Variants in RFX7 observed in about 807,000 individuals in gnomAD.
RFX7 encodes the protein regulatory factor X7.
Under a neutral mutation model 111.8 loss-of-function variants are expected in RFX7, and 26 were observed. The observed-to-expected ratio is 0.23, with a 90% CI of 0.17 to 0.32. The LOEUF (loss-of-function observed/expected upper bound fraction) is 0.32, where lower values mean the gene tolerates loss of function less well. Ranked by LOEUF, RFX7 falls within the 10% of genes least tolerant of loss-of-function variation. The pLI is 1.00. For synonymous variants in RFX7, 624 were observed against 624.4 expected, an observed-to-expected ratio of 1.00 and a Z score of 0.01; for missense variants, 1,573 against 1,772.9, an observed-to-expected ratio of 0.89 and a Z score of 2.02.
chr15:56,117,453 T>C (rs2042023011), intron 5 of RFX7, among the ~76,000 whole-genome samples: 1 of 152,136 alleles, frequency 6.6e-6, no homozygotes, highest in South Asian at 2.1e-4. Flanking sequence ...ATCAGGGTAA[T>C]TAGCATATCT....
chr15:56,130,444 T>C (rs1158273307), intron 5 of RFX7, among the ~76,000 whole-genome samples: 1 of 152,056 alleles, frequency 6.6e-6, no homozygotes, highest in African/African-American at 2.4e-5. Flanking sequence ...AACAAACTTC[T>C]AATTTAGGTC....
intron 3 of RFX7, among the ~76,000 whole-genome samples, chr15:56,155,381 T>A (rs1264532825): frequency 6.6e-6 from 1 of 152,120 alleles, no homozygotes; most frequent in Non-Finnish European, 1.5e-5. Context: ...CTATCAATGA[T>A]AGACTGGATT....
At chr15:56,102,041 A>ATTTTTT in intron 7 of RFX7, 128 bp downstream of exon 7, 1 of 645,972 alleles carries the variant, frequency 1.5e-6, no homozygotes. Flanking sequence ...CCACTGTGTG[A>ATTTTTT]TTTTTTTTTT....
At chr15:56,151,891 A>C (rs1379131431) in intron 3 of RFX7, among the ~76,000 whole-genome samples, 2 of 152,246 alleles carry the variant, frequency 1.3e-5, no homozygotes, top group East Asian at 3.8e-4. Context: ...AAAGCAAAAA[A>C]AAGTAGGGGT....
chr15:56,236,043 T>G (rs754560580), intron 2 of RFX7, among the ~76,000 whole-genome samples: 1 of 152,100 alleles, frequency 6.6e-6, no homozygotes, highest in Non-Finnish European at 1.5e-5. Flanking sequence ...TATCAGAATT[T>G]TTCAGTTTGT....
rs1402156053 is a variant in RFX7, at chr15:56,096,844, TA to T, written c.1108-225del. On this transcript the variant is annotated intron_variant, in intron 9 of 9. Coordinates refer to ENST00000559447, the MANE Select transcript of RFX7 (RefSeq NM_022841.7). The stretch of plus-strand genomic sequence containing the variant: ...ATAATTAAAAAATATGTAAGAACAT[TA>T]AGTTACTTTTCAATTAAGACTAAAA... Among the ~76,000 whole-genome samples the T allele has an allele frequency of 5.3e-5, 8 of 152,280 alleles. No individual in the cohort carries two copies. The South Asian group carries it at 1.5e-3, about 28-fold the overall frequency.
intron 5 of RFX7, among the ~76,000 whole-genome samples, chr15:56,123,058 G>A (rs1397625553): frequency 1.3e-5 from 2 of 152,236 alleles, no homozygotes; most frequent in East Asian, 3.9e-4. Context: ...TCCCCACTGT[G>A]GCTGGGCTGG....
chr15:56,206,313 T>C (rs2043251386), intron 2 of RFX7, among the ~76,000 whole-genome samples: 1 of 152,180 alleles, frequency 6.6e-6, no homozygotes, highest in Non-Finnish European at 1.5e-5. Context: ...GAAGACATTA[T>C]GCTAAGTAAA....
chr15:56,165,216 C>T (rs1261902629), intron 3 of RFX7, among the ~76,000 whole-genome samples: 4 of 152,158 alleles, frequency 2.6e-5, no homozygotes, highest in Non-Finnish European at 4.4e-5. Context: ...CTGTGTGGCC[C>T]GGTTCCTGAC....
chr15:56,202,287 T>C lies in RFX7; in HGVS notation c.162-22984A>G, dbSNP rs531525875. On this transcript the variant is annotated intron_variant, in intron 2 of 9. Coordinates refer to ENST00000559447, the MANE Select transcript of RFX7 (RefSeq NM_022841.7). Reference sequence around the variant, plus strand: ...CAGATATTACATTTAGTAAAATATTTTAGTGTGTCAAAATATTAACATTTT... The same window carrying C: ...CAGATATTACATTTAGTAAAATATTCTAGTGTGTCAAAATATTAACATTTT... Among the ~76,000 whole-genome samples, 7 of 152,260 alleles carry C rather than the reference T, an allele frequency of 4.6e-5. No homozygotes were observed. In the South Asian group the frequency reaches 1.5e-3, roughly 32 times the overall value.
At chr15:56,220,650 GAC>G (rs1211428717) in intron 2 of RFX7, among the ~76,000 whole-genome samples, 2 of 152,076 alleles carry the variant, frequency 1.3e-5, no homozygotes. Context: ...TTACTCTGTT[GAC>G]AGTTTCTTCT....
chr15:56,098,386 A>T lies in RFX7; in HGVS notation c.812-10T>A. On this transcript the variant is annotated splice_polypyrimidine_tract_variant and intron_variant, in intron 8 of 9. Coordinates refer to ENST00000559447, the MANE Select transcript of RFX7 (RefSeq NM_022841.7). ...GTAATTCCTTTCATTCCTGAAAATA[A>T]ACAGAAAGGAAAGCTGCAATAAATA... is the stretch of plus-strand genomic sequence containing the variant. 4 of 1,569,320 alleles carry T rather than the reference A, an allele frequency of 2.5e-6. No homozygotes were observed. The highest frequency in any genetic ancestry group is 3.5e-6 in the Non-Finnish European group (4 of 1,157,352).
chr15:56,143,473 C>A lies in RFX7; in HGVS notation c.279-573G>T, dbSNP rs565994207. On this transcript the variant is annotated intron_variant, in intron 4 of 9. Transcript: ENST00000559447. ...GAGATCCTGAACAGACAAATCTCCC[C>A]CTACAATCCTTCCTAAAGCCAGGCC... is the stretch of plus-strand genomic sequence containing the variant. Among the ~76,000 whole-genome samples, 3 of 152,084 alleles carry A rather than the reference C, an allele frequency of 2.0e-5. No individual in the cohort carries two copies. In the South Asian group the frequency reaches 6.2e-4, roughly 32 times the overall value.
At chr15:56,186,045 T>C (rs1567040557) in intron 2 of RFX7, among the ~76,000 whole-genome samples, 3 of 152,192 alleles carry the variant, frequency 2.0e-5, no homozygotes, top group Admixed American at 6.5e-5. Flanking sequence ...TTTAGAGTCC[T>C]TGTACCAGAA....
intron 3 of RFX7, among the ~76,000 whole-genome samples, chr15:56,176,241 G>A (rs1200941460): frequency 6.6e-6 from 1 of 152,068 alleles, no homozygotes; most frequent in African/African-American, 2.4e-5. Flanking sequence ...AAGGGGAGGA[G>A]AGAATCAAGG....
intron 3 of RFX7, among the ~76,000 whole-genome samples, chr15:56,177,295 A>T (rs1222420699): frequency 2.0e-5 from 3 of 152,106 alleles, no homozygotes; most frequent in Non-Finnish European, 4.4e-5. Context: ...ACCCTATCTA[A>T]GGTTACCCTA....
At chr15:56,245,023 C>T (rs150998602), upstream of RFX7, among the ~76,000 whole-genome samples, 532 of 152,208 alleles carry the variant, frequency 3.5e-3, 4 homozygotes, top group Non-Finnish European at 5.5e-3. Context: ...GTGTTATGAG[C>T]CCTTCAGCTT....
In RFX7 at chr15:56,087,412, ATCC is replaced by A. The variant is rs1162067735; in HGVS notation, c.*5930_*5932del. ...GCTCCTTGTATCTTGTTGCTCAATCATCCTCAGCATGTGTCTTTAACATGAAGT... is the reference window on the plus strand; with the variant it reads ...GCTCCTTGTATCTTGTTGCTCAATCATCAGCATGTGTCTTTAACATGAAGT... On this transcript the variant is annotated 3_prime_UTR_variant, in exon 10 of 10. Coordinates refer to ENST00000559447, the MANE Select transcript of RFX7 (RefSeq NM_022841.7). The A allele has an allele frequency of 1.1e-5, 5 of 456,486 alleles. No homozygotes were observed. Among genetic ancestry groups the A allele is most frequent in the African/African-American group, 8.0e-5 (4 of 50,046 alleles). 28.3% of individuals were successfully genotyped at this position (456,486 alleles called of 1,614,324 possible). A position where few individuals can be genotyped will look rare whatever the true frequency, so the allele number is the denominator to read the frequency against.
At position 56,096,248 on chromosome 15, in the gene RFX7, A is replaced by G; in HGVS notation, c.1480T>C (p.Ser494Pro). 1 of 1,613,956 alleles carries G rather than the reference A, an allele frequency of 6.2e-7. No homozygotes were observed. Among genetic ancestry groups the G allele is most frequent in the Non-Finnish European group, 8.5e-7 (1 of 1,179,870 alleles). Residue 494 changes from serine to proline, a missense_variant, in exon 10 of 10, where the codon TCA (serine) becomes CCA (proline). This residue lies in a region of RFX7 where 625 missense variants were observed against 632.2 expected (regional missense o/e 0.99). Transcript: ENST00000559447. ...NSNTPLKHSASVSSATGTTEE... is the reference protein window; with the variant it reads ...NSNTPLKHSAPVSSATGTTEE... ...GTTGTTCCTGTAGCACTGCTGACTGAGGCAGAATGTTTAAGAGGGGTGTTA... is the reference window on the plus strand; with the variant it reads ...GTTGTTCCTGTAGCACTGCTGACTGGGGCAGAATGTTTAAGAGGGGTGTTA...
Sources: gnomAD v4.1 joint callset for allele counts (sites outside exome capture counted in the v4.1 genomes callset) on GRCh38, gnomAD v4.1.1 for gene constraint, gnomAD v4.1.1 regional missense constraint, MANE v1.5 for transcripts, NCBI Gene and HGNC (gene_info 2026-07-23, HGNC 2026-07-21) for gene names.